RGS20: variants seen among roughly 807,000 people sequenced by gnomAD.
The protein encoded by RGS20 is gz-selective GTPase-activating protein.
Under a neutral mutation model 33.6 loss-of-function variants are expected in RGS20, and 30 were observed. That is an observed-to-expected ratio of 0.89 (90% CI 0.67 to 1.21). RGS20 has a LOEUF of 1.21. Ranked by LOEUF, RGS20 falls within the 50% of genes most tolerant of loss-of-function variation. The pLI, the probability that RGS20 is intolerant of heterozygous loss-of-function variation, is 0.00. For missense variants in RGS20, 472 were observed against 502.4 expected, an observed-to-expected ratio of 0.94 and a Z score of 0.58; for synonymous variants, 208 against 197.9, an observed-to-expected ratio of 1.05 and a Z score of -0.43.
rs559243816 is a variant in RGS20 at position 53,886,031 on chromosome 8, T to A, written c.510+6429T>A. Among the ~76,000 whole-genome samples the A allele has an allele frequency of 2.0e-5, 3 of 152,278 alleles. No homozygotes were observed. The East Asian group carries it at 5.8e-4, about 29-fold the overall frequency. On this transcript the variant is annotated intron_variant, in intron 2 of 5. Coordinates refer to ENST00000297313, the MANE Select transcript of RGS20 (RefSeq NM_170587.4). ...TGAATCACTGTCCAATTGGGAATAT[T>A]TCAGATTGGTTTTCAGTGCACCACC...
intron 2 of RGS20, among the ~76,000 whole-genome samples, chr8:53,919,382 C>T (rs1329749546): frequency 3.3e-5 from 5 of 150,652 alleles, no homozygotes; most frequent in Non-Finnish European, 7.4e-5. Context: ...TGCTCTGTCA[C>T]CCCGTCTGGA....
At chr8:53,939,848 C>T (rs1585943350) in intron 3 of RGS20, 124 bp downstream of exon 2, 2 of 1,147,586 alleles carry the variant, frequency 1.7e-6, no homozygotes, top group East Asian at 5.3e-5. Flanking sequence ...GTTTTTTAAG[C>T]AACTACTATA....
chr8:53,946,720 A>G lies in RGS20; in HGVS notation c.715A>G (p.Arg239Gly), dbSNP rs1203785048. 19 of 1,613,114 alleles carry G rather than the reference A, an allele frequency of 1.2e-5. No homozygotes were observed. Among genetic ancestry groups the G allele is most frequent in the Non-Finnish European group, 1.6e-5 (19 of 1,179,534 alleles). ...GCCCACAATAGCTTCCCACGAACTC[A>G]GAGCAGATCTTCCAACCTGGGAAGA... The change falls in exon 4 of 6, where the codon AGA (arginine) becomes GGA (glycine). Residue 239 changes from arginine to glycine, a missense_variant. By Grantham distance (125) the Arg-to-Gly change is moderately radical. Transcript: ENST00000297313.
At chr8:53,918,035 A>C (rs1257967877) in intron 2 of RGS20, among the ~76,000 whole-genome samples, 4 of 152,162 alleles carry the variant, frequency 2.6e-5, no homozygotes, top group Non-Finnish European at 4.4e-5. Flanking sequence ...TGTTTTTAAG[A>C]CTTAGTCATG....
rs187449411 is a variant in RGS20, at chr8:53,874,299, C to T, written c.166-4959C>T. The stretch of plus-strand genomic sequence containing the variant: ...AGACTATGACAGGAAATATGGCAAA[C>T]GGAAGGAGAAAGATCAGTGAAAGGT... On this transcript the variant is annotated intron_variant, in intron 1 of 5. Transcript: ENST00000297313. 1.2e-3 allele frequency among the ~76,000 whole-genome samples: 185 copies of T among 151,682 alleles called. 1 individual carries two copies. Among genetic ancestry groups the T allele is most frequent in the Admixed American group, 4.6e-3 (70 of 15,236 alleles).
intron 2 of RGS20, among the ~76,000 whole-genome samples, chr8:53,891,824 T>A (rs1455028658): frequency 2.0e-5 from 3 of 150,738 alleles, no homozygotes; most frequent in Non-Finnish European, 4.4e-5. Context: ...TATGTTATAA[T>A]TTTTGCAACT....
chr8:53,866,264 G>C (rs1371899233), intron 1 of RGS20, among the ~76,000 whole-genome samples: 1 of 152,146 alleles, frequency 6.6e-6, no homozygotes, highest in East Asian at 1.9e-4. Flanking sequence ...GGTAGACAGA[G>C]TACACATCAG....
chr8:53,923,551 C>T (rs148100157), intron 2 of RGS20, among the ~76,000 whole-genome samples: 22 of 151,878 alleles, frequency 1.4e-4, no homozygotes, highest in Non-Finnish European at 3.1e-4. Context: ...GCCAAAATCA[C>T]GCCACTGAAC....
chr8:53,923,778 A>C (rs1813714862), intron 2 of RGS20, among the ~76,000 whole-genome samples: 1 of 152,074 alleles, frequency 6.6e-6, no homozygotes, highest in African/African-American at 2.4e-5. Flanking sequence ...TTAGTCCTTC[A>C]GTACTATTTT....
At chr8:53,861,246 A>T (rs940311550) in intron 1 of RGS20, among the ~76,000 whole-genome samples, 1 of 152,204 alleles carries the variant, frequency 6.6e-6, no homozygotes, top group Admixed American at 6.5e-5. Context: ...TCTGCAAAGT[A>T]TCTGTGGATA....
intron 2 of RGS20, among the ~76,000 whole-genome samples, chr8:53,906,813 TA>T (rs1563384255): frequency 6.6e-6 from 1 of 152,096 alleles, no homozygotes; most frequent in Non-Finnish European, 1.5e-5. Flanking sequence ...TGAACAGGCT[TA>T]AAAAAGTACT....
At chr8:53,862,474 A>G (rs1811830500) in intron 1 of RGS20, among the ~76,000 whole-genome samples, 1 of 152,184 alleles carries the variant, frequency 6.6e-6, no homozygotes, top group East Asian at 1.9e-4. Flanking sequence ...ATCACAGAGA[A>G]GGTGCAGCGT....
At chr8:53,869,699 C>A (rs1812013847) in intron 1 of RGS20, among the ~76,000 whole-genome samples, 1 of 152,004 alleles carries the variant, frequency 6.6e-6, no homozygotes, top group East Asian at 1.9e-4. Flanking sequence ...AAACAAAAAA[C>A]CAAAACAACA....
At chr8:53,872,048 C>T (rs949310415) in intron 1 of RGS20, among the ~76,000 whole-genome samples, 1 of 152,074 alleles carries the variant, frequency 6.6e-6, no homozygotes. Flanking sequence ...TCTTGATTTT[C>T]CTCCCTAGTC....
chr8:53,860,012 T>G (rs1362408715), intron 1 of RGS20, among the ~76,000 whole-genome samples: 2 of 152,208 alleles, frequency 1.3e-5, no homozygotes, highest in African/African-American at 2.4e-5. Flanking sequence ...AGTAAACTTG[T>G]TTTTCTAGGT....
intron 2 of RGS20, among the ~76,000 whole-genome samples, chr8:53,898,100 C>T (rs547612340): frequency 8.3e-4 from 126 of 152,294 alleles, no homozygotes; most frequent in Non-Finnish European, 1.2e-3. Context: ...GGATCCCACC[C>T]GCTCGCCTTG....
At chr8:53,868,175 AT>A (rs1388971486) in intron 1 of RGS20, among the ~76,000 whole-genome samples, 1 of 152,186 alleles carries the variant, frequency 6.6e-6, no homozygotes, top group Non-Finnish European at 1.5e-5. Context: ...GGGATTAGTA[AT>A]TAGTCATTGA....
At chr8:53,931,199 G>A (rs1224084032) in intron 2 of RGS20, among the ~76,000 whole-genome samples, 3 of 152,104 alleles carry the variant, frequency 2.0e-5, no homozygotes, top group Non-Finnish European at 4.4e-5. Flanking sequence ...CACAGTGGAT[G>A]AAAGAAGAAA....
At chr8:53,923,296 T>C (rs1410898963) in intron 2 of RGS20, among the ~76,000 whole-genome samples, 2 of 152,160 alleles carry the variant, frequency 1.3e-5, no homozygotes, top group Non-Finnish European at 2.9e-5. Flanking sequence ...ATAGAGTTTC[T>C]TCTTTAAAAA....
Sources: allele counts gnomAD v4.1 joint callset (sites outside exome capture counted in the v4.1 genomes callset), GRCh38; gene constraint gnomAD v4.1.1; transcripts MANE v1.5; gene names NCBI Gene and HGNC (gene_info 2026-07-23, HGNC 2026-07-21).